PCDH9: variants seen among roughly 807,000 people sequenced by gnomAD.
PCDH9 encodes protocadherin-9.
Under a neutral mutation model 70.6 loss-of-function variants are expected in PCDH9, and 24 were observed. The observed-to-expected ratio is 0.34, with a 90% CI of 0.25 to 0.48. The LOEUF (loss-of-function observed/expected upper bound fraction) is 0.48. PCDH9 is among the 20% of genes least tolerant of loss of function. The pLI is 0.99. For synonymous variants in PCDH9, 562 were observed against 558.5 expected, an observed-to-expected ratio of 1.01 and a Z score of -0.09; for missense variants, 1,281 against 1,503.6, an observed-to-expected ratio of 0.85 and a Z score of 2.45.
rs186807401 is a variant in PCDH9, at chr13:67,084,847, G to C, written c.3036+140558C>G. ...CTGGGCGTGGTGGCGGGCGCCTGTAGTCCCAGCTACTCAGGAGGCTGAGGC... is the reference window on the plus strand; with the variant it reads ...CTGGGCGTGGTGGCGGGCGCCTGTACTCCCAGCTACTCAGGAGGCTGAGGC... On this transcript the variant is annotated intron_variant, in intron 2 of 4. Coordinates refer to ENST00000377865, the MANE Select transcript of PCDH9 (RefSeq NM_203487.3). 7.5e-3 allele frequency among the ~76,000 whole-genome samples: 1,122 copies of C among 149,720 alleles called. 17 individuals are homozygous for C. Among genetic ancestry groups the C allele is most frequent in the African/African-American group, 0.026 (1,043 of 40,658 alleles).
chr13:67,115,164 T>C (rs2086734310), intron 2 of PCDH9, among the ~76,000 whole-genome samples: 1 of 152,234 alleles, frequency 6.6e-6, no homozygotes, highest in African/African-American at 2.4e-5. Flanking sequence ...TGATATTCTG[T>C]AATCATAAGT....
chr13:67,140,313 GA>G (rs201791471), intron 2 of PCDH9, among the ~76,000 whole-genome samples: 1,837 of 152,170 alleles, frequency 0.012, 24 homozygotes, highest in African/African-American at 0.041. Context: ...TTACAGCACA[GA>G]ACCTGTTAGA....
chr13:66,839,145 T>C (rs188792091), intron 3 of PCDH9, among the ~76,000 whole-genome samples: 4 of 151,898 alleles, frequency 2.6e-5, no homozygotes, highest in Non-Finnish European at 4.4e-5. Flanking sequence ...TATCATCTTA[T>C]AGAATATTCT....
intron 2 of PCDH9, among the ~76,000 whole-genome samples, chr13:67,084,155 A>C (rs914052690): frequency 6.6e-6 from 1 of 152,228 alleles, no homozygotes; most frequent in Admixed American, 6.5e-5. Flanking sequence ...CTAGAACCAC[A>C]GGATAGTTCC....
chr13:66,350,498 CTT>C (rs1346388415), intron 4 of PCDH9, among the ~76,000 whole-genome samples: 2 of 152,124 alleles, frequency 1.3e-5, no homozygotes, highest in Non-Finnish European at 2.9e-5. Context: ...CTTCAGCCCT[CTT>C]GTCTTCTCTA....
chr13:66,517,808 A>G (rs1959809019), intron 4 of PCDH9, among the ~76,000 whole-genome samples: 1 of 152,076 alleles, frequency 6.6e-6, no homozygotes, highest in South Asian at 2.1e-4. Flanking sequence ...ATGATTTTAC[A>G]TCTTTAAAAT....
At chr13:67,172,779 G>A (rs1400452988) in intron 2 of PCDH9, among the ~76,000 whole-genome samples, 1 of 150,962 alleles carries the variant, frequency 6.6e-6, no homozygotes, top group Non-Finnish European at 1.5e-5. Context: ...TCGAGGGGCT[G>A]AGGCAGGAGA....
At chr13:66,972,151 CAT>C (rs2083535090) in intron 2 of PCDH9, among the ~76,000 whole-genome samples, 1 of 151,894 alleles carries the variant, frequency 6.6e-6, no homozygotes, top group Non-Finnish European at 1.5e-5. Flanking sequence ...AATACACACA[CAT>C]GTACACACAG....
intron 2 of PCDH9, among the ~76,000 whole-genome samples, chr13:66,936,050 A>G (rs1357881125): frequency 3.3e-5 from 5 of 152,196 alleles, no homozygotes; most frequent in African/African-American, 1.2e-4. Context: ...GCACCACTGC[A>G]CTCCAGCTTG....
chr13:67,014,832 CA>C (rs1479578325), intron 2 of PCDH9, among the ~76,000 whole-genome samples: 15 of 152,044 alleles, frequency 9.9e-5, no homozygotes, highest in African/African-American at 3.6e-4. Flanking sequence ...CCTCCATGTT[CA>C]AAGACCTCTT....
intron 3 of PCDH9, among the ~76,000 whole-genome samples, chr13:66,739,522 C>A (rs1457787598): frequency 7.0e-6 from 1 of 143,706 alleles, no homozygotes; most frequent in African/African-American, 2.5e-5. Context: ...GGACTAAATT[C>A]TCCAATTAAA....
At chr13:66,503,111 T>G (rs2138564898) in intron 4 of PCDH9, among the ~76,000 whole-genome samples, 1 of 152,310 alleles carries the variant, frequency 6.6e-6, no homozygotes, top group African/African-American at 2.4e-5. Flanking sequence ...AGTCAATACT[T>G]TCCCCAAACA....
intron 4 of PCDH9, among the ~76,000 whole-genome samples, chr13:66,364,086 C>T (rs143185925): frequency 4.0e-5 from 6 of 151,818 alleles, no homozygotes; most frequent in Admixed American, 2.6e-4. Context: ...ACCCAGGAGG[C>T]GGTGGTTGCA....
intron 3 of PCDH9, among the ~76,000 whole-genome samples, chr13:66,791,594 T>C (rs2080164745): frequency 6.6e-6 from 1 of 152,162 alleles, no homozygotes; most frequent in Non-Finnish European, 1.5e-5. Flanking sequence ...TGTTTTTACA[T>C]ACATGTAAAT....
At chr13:66,940,465 A>G (rs2082989513) in intron 2 of PCDH9, among the ~76,000 whole-genome samples, 1 of 152,182 alleles carries the variant, frequency 6.6e-6, no homozygotes, top group African/African-American at 2.4e-5. Context: ...TAAACAGCAT[A>G]TAAAAAAAAG....
chr13:67,032,960 T>A (rs1435997057), intron 2 of PCDH9, among the ~76,000 whole-genome samples: 1 of 149,696 alleles, frequency 6.7e-6, no homozygotes, highest in Non-Finnish European at 1.5e-5. Context: ...TTAGTCTGCT[T>A]GTTAAATTTT....
At chr13:67,080,107 C>T (rs1594482165) in intron 2 of PCDH9, among the ~76,000 whole-genome samples, 1 of 152,158 alleles carries the variant, frequency 6.6e-6, no homozygotes, top group Non-Finnish European at 1.5e-5. Context: ...CACACTTTAT[C>T]GGAACTTCTT....
chr13:66,327,016 A>G (rs755696974), intron 4 of PCDH9, among the ~76,000 whole-genome samples: 3 of 150,478 alleles, frequency 2.0e-5, no homozygotes, highest in Non-Finnish European at 3.0e-5. Flanking sequence ...GTATTTTGTT[A>G]CCTCTCCAAG....
At chr13:67,206,991 C>T (rs1191009618) in intron 2 of PCDH9, 4 of 152,228 alleles carry the variant, frequency 2.6e-5, no homozygotes, top group African/African-American at 4.8e-5. Context: ...TATCTCGAAT[C>T]GTACTGCCTA....
Sources: gnomAD v4.1 joint callset for allele counts (sites outside exome capture counted in the v4.1 genomes callset) on GRCh38, gnomAD v4.1.1 for gene constraint, MANE v1.5 for transcripts, NCBI Gene and HGNC (gene_info 2026-07-23, HGNC 2026-07-21) for gene names.